The following TMTC4 variants were observed in gnomAD, a reference collection of about 807,000 sequenced individuals.
TMTC4 encodes protein O-mannosyl-transferase TMTC4.
In TMTC4, 65 loss-of-function variants were observed where a neutral mutation model predicts 86.0. The ratio of observed to expected loss-of-function variants is 0.76; its 90% confidence interval spans 0.62 to 0.93. The LOEUF (loss-of-function observed/expected upper bound fraction) is 0.93. Ranked by LOEUF, TMTC4 falls within the 40% of genes least tolerant of loss-of-function variation. The probability of loss-of-function intolerance (pLI) is 0.00; values close to 1 mark genes in which losing one functional copy is unlikely to be tolerated. For missense variants in TMTC4, 866 were observed against 948.1 expected (o/e 0.91, Z 1.14); for synonymous variants, 379 against 382.5 (o/e 0.99, Z 0.11).
rs952983759 is a variant in TMTC4 at position 100,670,473 on chromosome 13, T to C, written c.-111A>G. 4 of 1,176,002 alleles carry C rather than the reference T, an allele frequency of 3.4e-6. No individual in the cohort carries two copies. The African/African-American group carries it at 6.2e-5, about 18-fold the overall frequency. 72.8% of individuals were successfully genotyped at this position (1,176,002 alleles called of 1,614,324 possible). A position where few individuals can be genotyped will look rare whatever the true frequency, so the allele number is the denominator to read the frequency against. On this transcript the variant is annotated 5_prime_UTR_variant, in exon 2 of 19. Transcript: ENST00000342624. ...TGCTTGTCTCTCGAGCCTCACAGCC[T>C]GGCATACGGCATGCTCTCAGCAAGT...
intron 5 of TMTC4, 148 bp downstream of exon 5, chr13:100,662,816 T>C: frequency 2.6e-6 from 2 of 771,826 alleles, no homozygotes; most frequent in Non-Finnish European, 2.2e-6. Flanking sequence ...GTCCTTTCTA[T>C]TTCTAGAGTA....
chr13:100,618,041 G>A (rs989719369), intron 15 of TMTC4, among the ~76,000 whole-genome samples: 4 of 152,164 alleles, frequency 2.6e-5, no homozygotes, highest in Non-Finnish European at 5.9e-5. Context: ...TCCTTGTAGA[G>A]ATCCTTCACC....
intron 17 of TMTC4, among the ~76,000 whole-genome samples, chr13:100,609,975 T>C (rs1454244712): frequency 2.0e-5 from 3 of 152,150 alleles, no homozygotes; most frequent in Non-Finnish European, 4.4e-5. Context: ...AGCCTGAACG[T>C]TTCAGGGCCA....
chr13:100,615,722 G>C (rs1056122892), intron 15 of TMTC4, among the ~76,000 whole-genome samples: 1 of 152,148 alleles, frequency 6.6e-6, no homozygotes, highest in Non-Finnish European at 1.5e-5. Flanking sequence ...CACAGTGCTG[G>C]GATTACAGGC....
intron 15 of TMTC4, among the ~76,000 whole-genome samples, chr13:100,616,202 G>C (rs1015812177): frequency 4.6e-5 from 7 of 152,026 alleles, no homozygotes; most frequent in Middle Eastern, 3.4e-3. Flanking sequence ...ACATATGAAT[G>C]CATGTTTTGG....
chr13:100,625,266 G>A (rs547518340), intron 15 of TMTC4: 259 of 448,102 alleles, frequency 5.8e-4, no homozygotes, highest in Non-Finnish European at 8.3e-4. Flanking sequence ...CAGGGCGGAC[G>A]GGACTTTAAC....
At chr13:100,661,795 A>G (rs920920214) in intron 5 of TMTC4, among the ~76,000 whole-genome samples, 1 of 152,240 alleles carries the variant, frequency 6.6e-6, no homozygotes, top group Non-Finnish European at 1.5e-5. Flanking sequence ...ACGTCTGCTC[A>G]GCATCTTGAA....
At chr13:100,673,251 A>T in intron 1 of TMTC4, 1 of 883,008 alleles carries the variant, frequency 1.1e-6, no homozygotes, top group Non-Finnish European at 1.4e-6. Flanking sequence ...GTGAACCATG[A>T]GGGCCCAATG....
intron 16 of TMTC4, 143 bp downstream of exon 16, chr13:100,614,173 T>C (rs1878100496): frequency 1.5e-6 from 1 of 682,646 alleles, no homozygotes; most frequent in African/African-American, 1.8e-5. Context: ...TAGACATTTT[T>C]GTAATAGAAA....
rs1285397731 is a variant in TMTC4 at position 100,605,659 on chromosome 13, T to G, written c.2135-517A>C. ...TGATAGTTACAGTAAACCTAATCAT[T>G]AGGATGATTAGCCTCTGATCATGAC... is the stretch of plus-strand genomic sequence containing the variant. On this transcript the variant is annotated intron_variant, in intron 18 of 18. Coordinates refer to ENST00000342624, the MANE Select transcript of TMTC4 (RefSeq NM_032813.5). This position sits in a 1 kb window ranked among gnomAD's most constrained non-coding sequence, Gnocchi z 4.3. Among the ~76,000 whole-genome samples the G allele has an allele frequency of 6.6e-6, 1 of 152,200 alleles. No individual in the cohort carries two copies. The highest frequency in any genetic ancestry group is 1.5e-5 in the Non-Finnish European group (1 of 68,036).
At chr13:100,625,330 AC>A (rs1321999412) in intron 15 of TMTC4, 1 of 657,604 alleles carries the variant, frequency 1.5e-6, no homozygotes, top group Non-Finnish European at 2.5e-6. Context: ...CTTAAACTTG[AC>A]TAATTCACAC....
chr13:100,673,792 T>G (rs1050607996), intron 1 of TMTC4, among the ~76,000 whole-genome samples: 2 of 152,128 alleles, frequency 1.3e-5, no homozygotes, highest in African/African-American at 4.8e-5. Flanking sequence ...CCTATCTAGG[T>G]GCACTGGCCG....
intron 7 of TMTC4, among the ~76,000 whole-genome samples, chr13:100,639,678 G>A (rs1183277050): frequency 6.6e-5 from 10 of 152,158 alleles, no homozygotes; most frequent in Non-Finnish European, 1.5e-4. Context: ...GGTGGCTCAC[G>A]CCTGTAATCC....
chr13:100,639,657 A>C (rs940924228), intron 7 of TMTC4, among the ~76,000 whole-genome samples: 1 of 152,162 alleles, frequency 6.6e-6, no homozygotes, highest in African/African-American at 2.4e-5. Flanking sequence ...GGCACAGAGG[A>C]GGCCTGGCGT....
intron 15 of TMTC4, among the ~76,000 whole-genome samples, chr13:100,620,226 C>T (rs761425709): frequency 6.6e-6 from 1 of 152,194 alleles, no homozygotes; most frequent in South Asian, 2.1e-4. Context: ...GGCTTCTTCA[C>T]CCTTTTGTTC....
At chr13:100,644,821 C>T (rs1010719449) in intron 6 of TMTC4, among the ~76,000 whole-genome samples, 1 of 149,140 alleles carries the variant, frequency 6.7e-6, no homozygotes, top group African/African-American at 2.5e-5. Flanking sequence ...AACGAACATA[C>T]TTTTTTTTTT....
intron 1 of TMTC4, chr13:100,673,922 C>A: frequency 1.8e-6 from 1 of 551,774 alleles, no homozygotes; most frequent in Non-Finnish European, 2.3e-6. Flanking sequence ...TCTCCCCATG[C>A]ATTTATTTGC....
At position 100,664,323 on chromosome 13, in the gene TMTC4, T is replaced by A; in HGVS notation, c.233A>T (p.Glu78Val). The A allele has an allele frequency of 6.2e-7, 1 of 1,609,844 alleles. No individual in the cohort carries two copies. The highest frequency in any genetic ancestry group is 8.5e-7 in the Non-Finnish European group (1 of 1,177,938). Residue 78 changes from glutamate (E) to valine (V), a missense_variant, in exon 4 of 19, where the codon GAA becomes GTA. By Grantham distance (121) the Glu-to-Val change is moderately radical (BLOSUM62 -2). Transcript: ENST00000342624. Reference sequence around the variant, plus strand: ...ATGCCACAGGTCCCCCAGGGGCGTTTCTGCTTGGAGGTCCTGCAGGGTCAC... The same window carrying A: ...ATGCCACAGGTCCCCCAGGGGCGTTACTGCTTGGAGGTCCTGCAGGGTCAC... Reference protein sequence around the residue: ...AIVNNKDLQAETPLGDLWHHD... With the variant: ...AIVNNKDLQAVTPLGDLWHHD...
chr13:100,667,248 C>T (rs1382394519), intron 3 of TMTC4, among the ~76,000 whole-genome samples: 1 of 152,172 alleles, frequency 6.6e-6, no homozygotes, highest in Non-Finnish European at 1.5e-5. Context: ...GCCTGGCCAA[C>T]ATGGTGAAAC....
Sources: allele counts gnomAD v4.1 joint callset (sites outside exome capture counted in the v4.1 genomes callset), GRCh38; gene constraint gnomAD v4.1.1; non-coding constraint Gnocchi (gnomAD v3.1); transcripts MANE v1.5; gene names NCBI Gene and HGNC (gene_info 2026-07-23, HGNC 2026-07-21).